PTPN4: variants seen among roughly 807,000 people sequenced by gnomAD.
The protein encoded by PTPN4 is protein tyrosine phosphatase non-receptor type 4.
In PTPN4, 49 loss-of-function variants were observed where a neutral mutation model predicts 135.5. The observed-to-expected ratio is 0.36, with a 90% CI of 0.29 to 0.46. The LOEUF is 0.46. Ranked by LOEUF, PTPN4 falls within the 20% of genes least tolerant of loss-of-function variation. The probability of loss-of-function intolerance (pLI) is 1.00; values close to 1 mark genes in which losing one functional copy is unlikely to be tolerated. For missense variants in PTPN4, 860 were observed against 1,101.0 expected, an observed-to-expected ratio of 0.78 and a Z score of 3.10; for synonymous variants, 333 against 369.9, an observed-to-expected ratio of 0.90 and a Z score of 1.14.
In PTPN4 at chr2:119,809,845, T is replaced by A; in HGVS notation, c.-9T>A. The A allele has an allele frequency of 4.4e-6, 7 of 1,576,986 alleles. No individual in the cohort carries two copies. Among genetic ancestry groups the A allele is most frequent in the Non-Finnish European group, 6.0e-6 (7 of 1,168,342 alleles). On this transcript the variant is annotated 5_prime_UTR_variant, in exon 2 of 27. Transcript: ENST00000263708. ...TTTTTTTTTTAACTTAGACTTTGTG[T>A]GGACAGTAATGACCTCACGTTTCCG...
intron 1 of PTPN4, among the ~76,000 whole-genome samples, chr2:119,763,402 G>A (rs1188163115): frequency 1.3e-5 from 2 of 152,162 alleles, no homozygotes; most frequent in African/African-American, 4.8e-5. Flanking sequence ...GGGGAAGAGT[G>A]TTAATATTTA....
chr2:119,869,248 T>A (rs1677874758), intron 3 of PTPN4, among the ~76,000 whole-genome samples: 1 of 152,188 alleles, frequency 6.6e-6, no homozygotes, highest in Non-Finnish European at 1.5e-5. Context: ...GCAGACTGAT[T>A]GCAAAGAAGC....
chr2:119,827,671 C>T (rs951463328), intron 2 of PTPN4, among the ~76,000 whole-genome samples: 54 of 152,224 alleles, frequency 3.5e-4, no homozygotes, highest in African/African-American at 1.2e-3. Context: ...ACTTCAGATG[C>T]GTCCGTTGTG....
At chr2:119,871,313 A>C (rs904309588) in intron 3 of PTPN4, among the ~76,000 whole-genome samples, 2 of 151,934 alleles carry the variant, frequency 1.3e-5, no homozygotes, top group Non-Finnish European at 2.9e-5. Flanking sequence ...AAATTTAAAA[A>C]TTATTGTATG....
intron 2 of PTPN4, among the ~76,000 whole-genome samples, chr2:119,847,969 A>G (rs1215526957): frequency 2.0e-5 from 3 of 151,880 alleles, no homozygotes; most frequent in Admixed American, 1.3e-4. Flanking sequence ...TTCCTCGTAC[A>G]TGAGGAGTTG....
At chr2:119,826,648 A>C (rs1677150784) in intron 2 of PTPN4, among the ~76,000 whole-genome samples, 1 of 152,196 alleles carries the variant, frequency 6.6e-6, no homozygotes, top group East Asian at 1.9e-4. Flanking sequence ...GAATGATCCT[A>C]ATACAAAATA....
At chr2:119,952,181 T>C (rs376096557) in intron 19 of PTPN4, 52 bp downstream of exon 19, 4 of 1,494,568 alleles carry the variant, frequency 2.7e-6, no homozygotes, top group Non-Finnish European at 3.6e-6. Flanking sequence ...TTACTGTTCA[T>C]TACTGAGCAC....
intron 1 of PTPN4, among the ~76,000 whole-genome samples, chr2:119,793,713 GTTC>G (rs1211576333): frequency 6.6e-6 from 1 of 152,010 alleles, no homozygotes; most frequent in African/African-American, 2.4e-5. Context: ...CACAATTTGT[GTTC>G]TTCTGCCATG....
At chr2:119,895,353 A>C (rs144698129) in intron 9 of PTPN4, among the ~76,000 whole-genome samples, 327 of 152,324 alleles carry the variant, frequency 2.1e-3, no homozygotes, top group African/African-American at 7.7e-3. Context: ...CTAGGTAATT[A>C]GTTTGTGTAT....
chr2:119,804,343 A>G (rs1294281429), intron 1 of PTPN4, among the ~76,000 whole-genome samples: 1 of 151,986 alleles, frequency 6.6e-6, no homozygotes, highest in African/African-American at 2.4e-5. Context: ...AGTTTGTTAC[A>G]TAGGTATACA....
At chr2:119,857,644 T>G (rs1193471267) in intron 2 of PTPN4, among the ~76,000 whole-genome samples, 1 of 151,980 alleles carries the variant, frequency 6.6e-6, no homozygotes, top group Non-Finnish European at 1.5e-5. Context: ...TCTTAATAAC[T>G]CCTGTAATAT....
intron 2 of PTPN4, among the ~76,000 whole-genome samples, chr2:119,810,429 C>T (rs1365891478): frequency 6.6e-6 from 1 of 152,130 alleles, no homozygotes; most frequent in Non-Finnish European, 1.5e-5. Flanking sequence ...TTTGTTCATC[C>T]TATTTGTGTC....
intron 26 of PTPN4, among the ~76,000 whole-genome samples, chr2:119,976,147 T>C (rs1679614423): frequency 2.0e-5 from 3 of 151,472 alleles, no homozygotes; most frequent in African/African-American, 7.2e-5. Flanking sequence ...AGGCACCCAC[T>C]ACCACGCCCG....
intron 26 of PTPN4, among the ~76,000 whole-genome samples, chr2:119,976,064 C>T (rs952009673): frequency 3.1e-4 from 46 of 149,992 alleles, no homozygotes; most frequent in African/African-American, 1.1e-3. Flanking sequence ...GGCGCGATCT[C>T]GGCTCACTGC....
chr2:119,935,044 C>T lies in PTPN4; in HGVS notation c.1355+86C>T, dbSNP rs546149496. The T allele has an allele frequency of 6.3e-5, 87 of 1,388,696 alleles. 1 individual carries two copies. The South Asian group carries it at 1.0e-3, about 16-fold the overall frequency. 86.0% of individuals were successfully genotyped at this position (1,388,696 alleles called of 1,614,324 possible). A position where few individuals can be genotyped will look rare whatever the true frequency, so the allele number is the denominator to read the frequency against. On this transcript the variant is annotated intron_variant, in intron 15 of 26. Coordinates refer to ENST00000263708, the MANE Select transcript of PTPN4 (RefSeq NM_002830.4). ...AAATAATCTGGGAAATTAGGATATTCGATACAAGATTTTAATTATGCAACT... is the reference window on the plus strand; with the variant it reads ...AAATAATCTGGGAAATTAGGATATTTGATACAAGATTTTAATTATGCAACT...
At chr2:119,886,452 C>T (rs1224916733) in intron 9 of PTPN4, among the ~76,000 whole-genome samples, 1 of 152,128 alleles carries the variant, frequency 6.6e-6, no homozygotes, top group Non-Finnish European at 1.5e-5. Context: ...AACTGGTAAC[C>T]TCCTGGCATA....
At chr2:119,869,479 C>T (rs2104992536) in intron 3 of PTPN4, among the ~76,000 whole-genome samples, 1 of 152,288 alleles carries the variant, frequency 6.6e-6, no homozygotes, top group African/African-American at 2.4e-5. Context: ...TCTAACTATA[C>T]ATGCATAGTT....
At chr2:119,763,388 C>G (rs371843916) in intron 1 of PTPN4, among the ~76,000 whole-genome samples, 3 of 152,070 alleles carry the variant, frequency 2.0e-5, no homozygotes, top group African/African-American at 7.2e-5. Flanking sequence ...AAAAAGGACC[C>G]AGAGGGGAAG....
At chr2:119,850,776 C>G (rs1450819325) in intron 2 of PTPN4, among the ~76,000 whole-genome samples, 3 of 152,170 alleles carry the variant, frequency 2.0e-5, no homozygotes, top group Admixed American at 6.5e-5. Context: ...ATAATTTTCC[C>G]TAATAGTAGT....
Sources: gnomAD v4.1 joint callset for allele counts (sites outside exome capture counted in the v4.1 genomes callset) on GRCh38, gnomAD v4.1.1 for gene constraint, MANE v1.5 for transcripts, NCBI Gene and HGNC (gene_info 2026-07-23, HGNC 2026-07-21) for gene names.